Variants in BANF2 observed in about 807,000 individuals in gnomAD.
BANF2 encodes the protein barrier-to-autointegration factor-like protein.
Under a neutral mutation model 8.0 loss-of-function variants are expected in BANF2, and 4 were observed. That is an observed-to-expected ratio of 0.50 (90% CI 0.25 to 1.14). BANF2 has a LOEUF of 1.14. Ranked by LOEUF, BANF2 falls within the 50% of genes most tolerant of loss-of-function variation. The probability of loss-of-function intolerance (pLI) is 0.16; values close to 1 mark genes in which losing one functional copy is unlikely to be tolerated. For synonymous variants in BANF2, 50 were observed against 40.6 expected, an observed-to-expected ratio of 1.23 and a Z score of -0.88; for missense variants, 96 against 107.5, an observed-to-expected ratio of 0.89 and a Z score of 0.47.
At chr20:17,723,531 TA>T (rs2037761658) in intron 2 of BANF2, among the ~76,000 whole-genome samples, 1 of 152,248 alleles carries the variant, frequency 6.6e-6, no homozygotes, top group Admixed American at 6.5e-5. Flanking sequence ...AACACCTCCC[TA>T]TTGTGTAAAC....
chr20:17,733,450 T>G (rs2037930670), intron 3 of BANF2, among the ~76,000 whole-genome samples: 1 of 152,234 alleles, frequency 6.6e-6, no homozygotes, highest in Non-Finnish European at 1.5e-5. Flanking sequence ...TTTCTCTTTA[T>G]GGAGAAAGCT....
chr20:17,729,494 T>G (rs1452979593), intron 3 of BANF2, among the ~76,000 whole-genome samples: 1 of 152,198 alleles, frequency 6.6e-6, no homozygotes. Context: ...CCCAGCACTT[T>G]GGGAGGCCAG....
intron 3 of BANF2, among the ~76,000 whole-genome samples, chr20:17,734,704 CAG>C (rs2037950983): frequency 6.6e-6 from 1 of 152,180 alleles, no homozygotes; most frequent in Non-Finnish European, 1.5e-5. Context: ...GCGTAGAGAT[CAG>C]GGGTGCTGCT....
chr20:17,732,280 T>TTCC (rs1473034709), intron 3 of BANF2, among the ~76,000 whole-genome samples: 5 of 152,168 alleles, frequency 3.3e-5, no homozygotes, highest in African/African-American at 9.6e-5. Context: ...TGGAGGGTGA[T>TTCC]TCCTCCCCTG....
At chr20:17,731,712 G>A (rs6044973) in intron 3 of BANF2, among the ~76,000 whole-genome samples, 26,010 of 135,940 alleles carry the variant, frequency 0.19, 2,725 homozygotes, top group East Asian at 0.45. Context: ...GCTACTGCAT[G>A]CTACTGAACT....
intron 3 of BANF2, among the ~76,000 whole-genome samples, chr20:17,728,011 G>A (rs189388531): frequency 1.1e-3 from 161 of 152,276 alleles, no homozygotes; most frequent in African/African-American, 3.8e-3. Context: ...ACAGGCATGA[G>A]CCACCACACC....
Position 17,732,604 on chromosome 20 carries a change from G to C in BANF2, c.127-3061G>C, listed in dbSNP as rs189559703. ...ACTCCTGACCTCAGATGATCTGCCCGCTCAGCCTCCCAAAGTGCTGGGATT... is the reference window on the plus strand; with the variant it reads ...ACTCCTGACCTCAGATGATCTGCCCCCTCAGCCTCCCAAAGTGCTGGGATT... On this transcript the variant is annotated intron_variant, in intron 3 of 3. Transcript: ENST00000246090. Among the ~76,000 whole-genome samples the C allele has an allele frequency of 5.4e-3, 828 of 152,148 alleles. 4 individuals carry two copies. The highest frequency in any genetic ancestry group is 0.019 in the African/African-American group (787 of 41,498).
chr20:17,699,865 C>G (rs2037383018), upstream of BANF2: 1 of 437,694 alleles, frequency 2.3e-6, no homozygotes, highest in Non-Finnish European at 3.0e-6. Context: ...GCCCTGATGC[C>G]AGCAGCCACT....
chr20:17,735,603 C>A, intron 3 of BANF2, 62 bp from the exon 4 acceptor site: 1 of 1,533,746 alleles, frequency 6.5e-7, no homozygotes, highest in Admixed American at 1.7e-5. Context: ...GAAGGAAGAG[C>A]GCGTCTGAGC....
chr20:17,696,990 G>A (rs1600207798), upstream of BANF2, among the ~76,000 whole-genome samples: 3 of 152,184 alleles, frequency 2.0e-5, no homozygotes, highest in Admixed American at 2.0e-4. Flanking sequence ...TAATGGGGAG[G>A]AGAATGTGGA....
intron 2 of BANF2, among the ~76,000 whole-genome samples, chr20:17,724,621 A>C (rs757203400): frequency 6.6e-6 from 1 of 152,260 alleles, no homozygotes; most frequent in Non-Finnish European, 1.5e-5. Flanking sequence ...TGAACACTGA[A>C]ATAAAAGTAT....
chr20:17,723,003 G>A, intron 2 of BANF2, 125 bp downstream of exon 2: 1 of 620,240 alleles, frequency 1.6e-6, no homozygotes, highest in Non-Finnish European at 2.0e-6. Flanking sequence ...GTTGGATTGG[G>A]GAGCAAAGGC....
chr20:17,725,931 C>T (rs73898398), intron 3 of BANF2, among the ~76,000 whole-genome samples: 5,187 of 152,164 alleles, frequency 0.034, 253 homozygotes, highest in African/African-American at 0.1. Context: ...ACATGGCTGA[C>T]GACTAGTTTG....
chr20:17,700,563 C>T (rs1214340151), intron 1 of BANF2, among the ~76,000 whole-genome samples: 3 of 152,190 alleles, frequency 2.0e-5, no homozygotes, highest in Non-Finnish European at 2.9e-5. Context: ...AAATCCACCT[C>T]CTGGTGACCT....
At chr20:17,723,918 G>A (rs768233484) in intron 2 of BANF2, among the ~76,000 whole-genome samples, 1 of 152,126 alleles carries the variant, frequency 6.6e-6, no homozygotes, top group African/African-American at 2.4e-5. Context: ...TAGCTTGAAC[G>A]CAGGAGGCAG....
chr20:17,709,920 A>C (rs761858306), intron 1 of BANF2, among the ~76,000 whole-genome samples: 3 of 152,186 alleles, frequency 2.0e-5, no homozygotes, highest in Non-Finnish European at 4.4e-5. Context: ...CTGATCATCT[A>C]ATTGCAGTGC....
intron 3 of BANF2, 29 bp from the exon 4 acceptor site, chr20:17,735,635 GC>G (rs2037966148): frequency 9.3e-6 from 15 of 1,607,374 alleles, no homozygotes; most frequent in Non-Finnish European, 1.3e-5. Flanking sequence ...AACCTTTCCT[GC>G]TTTCCTCCCT....
At chr20:17,703,012 T>C (rs566069353) in intron 1 of BANF2, among the ~76,000 whole-genome samples, 1 of 152,328 alleles carries the variant, frequency 6.6e-6, no homozygotes, top group South Asian at 2.1e-4. Flanking sequence ...ACTTCATCTC[T>C]GATCTCATTC....
At chr20:17,697,429 G>A (rs949884874), upstream of BANF2, among the ~76,000 whole-genome samples, 1 of 152,142 alleles carries the variant, frequency 6.6e-6, no homozygotes, top group Non-Finnish European at 1.5e-5. Flanking sequence ...TACTCCAAAG[G>A]CCAACCAGCA....
Sources: gnomAD v4.1 joint callset for allele counts (sites outside exome capture counted in the v4.1 genomes callset) on GRCh38, gnomAD v4.1.1 for gene constraint, MANE v1.5 for transcripts, NCBI Gene and HGNC (gene_info 2026-07-23, HGNC 2026-07-21) for gene names.